The following CEP85L variants were observed in gnomAD, a reference collection of about 807,000 sequenced individuals.
CEP85L encodes the protein centrosomal protein of 85 kDa-like.
A neutral mutation model predicts 100.3 loss-of-function variants in CEP85L; 60 were observed. That is an observed-to-expected ratio of 0.60 (90% CI 0.49 to 0.74). The LOEUF (loss-of-function observed/expected upper bound fraction) is 0.74. CEP85L is among the 30% of genes least tolerant of loss of function. The pLI is 0.00. For missense variants in CEP85L, 973 were observed against 936.2 expected, an observed-to-expected ratio of 1.04 and a Z score of -0.51; for synonymous variants, 319 against 322.7, an observed-to-expected ratio of 0.99 and a Z score of 0.12.
upstream of CEP85L, chr6:118,652,039 T>G (rs759657695): frequency 2.4e-5 from 11 of 449,908 alleles, no homozygotes; most frequent in Non-Finnish European, 2.9e-5. Flanking sequence ...CTGTATTCCT[T>G]CGTTTATAGA....
At chr6:118,601,296 C>G (rs1032300286) in intron 2 of CEP85L, among the ~76,000 whole-genome samples, 2 of 152,186 alleles carry the variant, frequency 1.3e-5, no homozygotes, top group African/African-American at 4.8e-5. Context: ...TCAGTTATTA[C>G]AGAGCCGCAT....
intron 3 of CEP85L, among the ~76,000 whole-genome samples, chr6:118,533,607 T>C (rs1777411418): frequency 6.6e-6 from 1 of 151,848 alleles, no homozygotes; most frequent in African/African-American, 2.4e-5. Flanking sequence ...ATTTTATGAG[T>C]TCAACAATGC....
intron 6 of CEP85L, among the ~76,000 whole-genome samples, chr6:118,488,319 A>C (rs1431678860): frequency 2.6e-5 from 4 of 152,104 alleles, no homozygotes; most frequent in Non-Finnish European, 5.9e-5. Context: ...TGCATGAACA[A>C]AGTAAAATTT....
chr6:118,542,919 A>AAAAAAAAAAAAAAAC (rs1562245143), intron 3 of CEP85L, among the ~76,000 whole-genome samples: 7 of 150,872 alleles, frequency 4.6e-5, no homozygotes, highest in African/African-American at 1.7e-4. Flanking sequence ...AAAAAAAAAA[A>AAAAAAAAAAAAAAAC]AAAACAGGAT....
intron 1 of CEP85L, among the ~76,000 whole-genome samples, chr6:118,650,897 G>A (rs1191807294): frequency 6.6e-6 from 1 of 152,232 alleles, no homozygotes; most frequent in South Asian, 2.1e-4. Flanking sequence ...GGAAAAAACC[G>A]GGCAGACAAT....
In CEP85L at chr6:118,481,817, C is replaced by T. The variant is rs777423959; in HGVS notation, c.1707G>A (p.Gln569=). The part of the protein sequence containing the change: ...CQDKETQLIC[Q]KKKEKELVTT... Reference sequence around the variant, plus strand: ...TTACTAACTCCTTTTCTTTCTTTTTCTGGCATATTAACTGTGTCTCTTTAT... The same window carrying T: ...TTACTAACTCCTTTTCTTTCTTTTTTTGGCATATTAACTGTGTCTCTTTAT... The change falls in exon 8 of 13, where the codon CAG becomes CAA. Residue 569 remains glutamine (Q), a synonymous_variant. Coordinates refer to ENST00000368491, the MANE Select transcript of CEP85L (RefSeq NM_001042475.3). 1.9e-6 allele frequency: 3 copies of T among 1,593,286 alleles called. No homozygotes were observed. Among genetic ancestry groups the T allele is most frequent in the Non-Finnish European group, 2.6e-6 (3 of 1,171,236 alleles).
intron 2 of CEP85L, among the ~76,000 whole-genome samples, chr6:118,583,935 T>A (rs140015530): frequency 1.1e-3 from 170 of 152,326 alleles, no homozygotes; most frequent in African/African-American, 3.9e-3. Flanking sequence ...AGTCCTAGAT[T>A]TAAAGGATGC....
At chr6:118,507,426 T>G (rs907340293) in intron 5 of CEP85L, among the ~76,000 whole-genome samples, 2 of 152,180 alleles carry the variant, frequency 1.3e-5, no homozygotes, top group East Asian at 3.8e-4. Context: ...ACATCTACCT[T>G]AAATCCAATC....
chr6:118,704,521 T>G (rs1410783750), intron 1 of CEP85L, among the ~76,000 whole-genome samples: 1 of 152,292 alleles, frequency 6.6e-6, no homozygotes, highest in Non-Finnish European at 1.5e-5. Context: ...CAGGTTGGAG[T>G]GCAGTGGCTT....
chr6:118,693,431 A>G (rs1398542210), intron 1 of CEP85L, among the ~76,000 whole-genome samples: 2 of 152,260 alleles, frequency 1.3e-5, no homozygotes, highest in East Asian at 3.8e-4. Context: ...TAATATTATC[A>G]AAAAGTAAAA....
At chr6:118,628,175 C>CAA (rs148054602) in intron 2 of CEP85L, among the ~76,000 whole-genome samples, 1 of 145,192 alleles carries the variant, frequency 6.9e-6, no homozygotes, top group Non-Finnish European at 1.5e-5. Context: ...TACTGTAAGA[C>CAA]AAAAAAAAAA....
At chr6:118,630,885 C>A (rs1487155352) in intron 2 of CEP85L, among the ~76,000 whole-genome samples, 1 of 152,180 alleles carries the variant, frequency 6.6e-6, no homozygotes, top group Non-Finnish European at 1.5e-5. Flanking sequence ...ACCCACTGCA[C>A]ATGCAAGGGA....
At chr6:118,705,328 G>A (rs1170429552) in intron 1 of CEP85L, among the ~76,000 whole-genome samples, 3 of 152,206 alleles carry the variant, frequency 2.0e-5, no homozygotes, top group African/African-American at 7.2e-5. Flanking sequence ...CAGACTGTGA[G>A]ATAACACTAA....
chr6:118,567,209 ATGTGTGTGTGTGTGTGTGTGTGTG>A (rs68047463), intron 2 of CEP85L, among the ~76,000 whole-genome samples: 5 of 89,678 alleles, frequency 5.6e-5, no homozygotes, highest in East Asian at 4.4e-4. Context: ...ATATATATGT[ATGTGTGTGTGTGTGTGTGTGTGTG>A]TGTGTGTGTG....
chr6:118,549,595 A>T (rs1778418752), intron 3 of CEP85L, among the ~76,000 whole-genome samples: 1 of 151,778 alleles, frequency 6.6e-6, no homozygotes, highest in African/African-American at 2.4e-5. Context: ...CTTAAGACAT[A>T]AAAAAACATA....
At chr6:118,558,679 A>AGT in intron 3 of CEP85L, 2 of 530,852 alleles carry the variant, frequency 3.8e-6, no homozygotes. Context: ...AGAGAGAGAG[A>AGT]GAGAGAGAGG....
intron 1 of CEP85L, chr6:118,646,929 T>C: frequency 4.1e-6 from 4 of 985,280 alleles, no homozygotes; most frequent in Non-Finnish European, 4.8e-6. Context: ...GGCCTCAGAT[T>C]AATTTACCAG....
intron 4 of CEP85L, among the ~76,000 whole-genome samples, chr6:118,523,128 T>C (rs1776760189): frequency 6.6e-6 from 1 of 152,162 alleles, no homozygotes; most frequent in African/African-American, 2.4e-5. Context: ...CCTCCTGGAA[T>C]TGCTTCCCAA....
intron 2 of CEP85L, 30 bp from the exon 3 acceptor site, chr6:118,566,346 TACA>T: frequency 6.5e-7 from 1 of 1,550,084 alleles, no homozygotes; most frequent in Non-Finnish European, 8.8e-7. Flanking sequence ...TCAAATTAGT[TACA>T]ATTAACAGAC....
Sources: allele counts gnomAD v4.1 joint callset (sites outside exome capture counted in the v4.1 genomes callset), GRCh38; gene constraint gnomAD v4.1.1; transcripts MANE v1.5; gene names NCBI Gene and HGNC (gene_info 2026-07-23, HGNC 2026-07-21).